Variants in CTNNA2 observed in about 807,000 individuals in gnomAD.
The protein encoded by CTNNA2 is catenin alpha-2.
Under a neutral mutation model 101.0 loss-of-function variants are expected in CTNNA2, and 42 were observed. That is an observed-to-expected ratio of 0.42 (90% confidence interval 0.32 to 0.54). CTNNA2 has a LOEUF of 0.54. Ranked by LOEUF, CTNNA2 falls within the 20% of genes least tolerant of loss-of-function variation. The pLI is 0.14. For synonymous variants in CTNNA2, 450 were observed against 456.4 expected (o/e 0.99, Z 0.18); for missense variants, 871 against 1,223.1 (o/e 0.71, Z 4.29).
At chr2:80,324,437 C>T (rs1003423909) in intron 7 of CTNNA2, among the ~76,000 whole-genome samples, 3 of 152,116 alleles carry the variant, frequency 2.0e-5, no homozygotes, top group Non-Finnish European at 4.4e-5. Flanking sequence ...CTGATCGTCT[C>T]GGGGTTAAGC....
chr2:79,964,263 C>T (rs1015934048), intron 7 of CTNNA2, among the ~76,000 whole-genome samples: 9 of 152,056 alleles, frequency 5.9e-5, no homozygotes, highest in African/African-American at 2.2e-4. Context: ...TCATTTAATC[C>T]ATATAATGCC....
chr2:80,397,115 A>G (rs985170127), intron 8 of CTNNA2, among the ~76,000 whole-genome samples: 2 of 152,230 alleles, frequency 1.3e-5, no homozygotes, highest in African/African-American at 4.8e-5. Context: ...AATAAAAAAC[A>G]ATTACAACTA....
intron 3 of CTNNA2, among the ~76,000 whole-genome samples, chr2:79,800,155 T>G (rs1676043873): frequency 6.6e-6 from 1 of 152,138 alleles, no homozygotes; most frequent in Admixed American, 6.5e-5. Context: ...AGATGCAGAG[T>G]ATGGTGATTC....
At chr2:80,514,779 T>C (rs1301224221) in intron 9 of CTNNA2, among the ~76,000 whole-genome samples, 2 of 152,112 alleles carry the variant, frequency 1.3e-5, no homozygotes, top group Non-Finnish European at 2.9e-5. Context: ...TGACTGAGTC[T>C]GGGATCTTTA....
chr2:80,350,681 T>C (rs150109064), intron 7 of CTNNA2, among the ~76,000 whole-genome samples: 1 of 152,188 alleles, frequency 6.6e-6, no homozygotes, highest in Non-Finnish European at 1.5e-5. Flanking sequence ...TAAATGAATG[T>C]GGTAAAGCAC....
intron 14 of CTNNA2, among the ~76,000 whole-genome samples, chr2:80,582,586 T>C (rs1031014794): frequency 1.3e-5 from 2 of 152,148 alleles, no homozygotes; most frequent in African/African-American, 2.4e-5. Context: ...AGAGTAGGTG[T>C]ACGTAATCAA....
At chr2:79,669,084 C>A (rs1171780861) in intron 2 of CTNNA2, among the ~76,000 whole-genome samples, 2 of 152,060 alleles carry the variant, frequency 1.3e-5, no homozygotes, top group Non-Finnish European at 2.9e-5. Context: ...AATACTGATT[C>A]CAGTTGGAAG....
chr2:79,749,437 A>G (rs933917046), intron 3 of CTNNA2, among the ~76,000 whole-genome samples: 1 of 152,216 alleles, frequency 6.6e-6, no homozygotes, highest in African/African-American at 2.4e-5. Context: ...GAAAGATAGG[A>G]TATCTAGTTT....
chr2:79,962,277 T>C (rs181745634), intron 7 of CTNNA2, among the ~76,000 whole-genome samples: 2 of 152,366 alleles, frequency 1.3e-5, no homozygotes, highest in East Asian at 3.9e-4. Flanking sequence ...TCCTCATAGA[T>C]AGTGCCTTCT....
intron 1 of CTNNA2, among the ~76,000 whole-genome samples, chr2:79,188,430 A>G (rs1185036113): frequency 6.6e-6 from 1 of 152,134 alleles, no homozygotes; most frequent in Non-Finnish European, 1.5e-5. Context: ...CACCTGGGGC[A>G]CTTCATTTTT....
rs1041966497 is a variant in CTNNA2 at position 79,561,080 on chromosome 2, A to G, written c.-6+47873A>G. Among the ~76,000 whole-genome samples the G allele has an allele frequency of 2.0e-5, 3 of 151,932 alleles. No homozygotes were observed. The South Asian group carries it at 6.2e-4, about 31-fold the overall frequency. ...AAAAGAAACCCCATACATAATAGCA[A>G]TCATTCTCCAATTTTCTCATCTCTA... On this transcript the variant is annotated intron_variant, in intron 1 of 18. Transcript: ENST00000402739.
intron 16 of CTNNA2, among the ~76,000 whole-genome samples, chr2:80,605,953 GA>G (rs1437316526): frequency 2.6e-5 from 4 of 151,850 alleles, no homozygotes; most frequent in African/African-American, 9.7e-5. Context: ...AGCATAAACT[GA>G]GGGTTTTTTT....
chr2:79,750,601 G>A (rs969018420), intron 3 of CTNNA2, among the ~76,000 whole-genome samples: 3 of 152,200 alleles, frequency 2.0e-5, no homozygotes, highest in East Asian at 1.9e-4. Flanking sequence ...GGCGACTTGC[G>A]CCTATAATCC....
At chr2:79,324,876 AAC>A (rs1203752600) in intron 3 of CTNNA2, among the ~76,000 whole-genome samples, 1 of 152,190 alleles carries the variant, frequency 6.6e-6, no homozygotes, top group Admixed American at 6.5e-5. Context: ...AACCGTATTT[AAC>A]ACTACCAGAA....
intron 4 of CTNNA2, among the ~76,000 whole-genome samples, chr2:79,440,182 A>T (rs959749123): frequency 6.6e-6 from 1 of 152,178 alleles, no homozygotes; most frequent in Non-Finnish European, 1.5e-5. Context: ...CACACAAATG[A>T]TCTCTTCTTT....
At chr2:80,173,281 A>C (rs561073151) in intron 7 of CTNNA2, among the ~76,000 whole-genome samples, 2 of 152,178 alleles carry the variant, frequency 1.3e-5, no homozygotes, top group African/African-American at 2.4e-5. Flanking sequence ...CACTTATTGG[A>C]TGAGTGAAAA....
chr2:80,537,005 C>T (rs545566568), intron 9 of CTNNA2, among the ~76,000 whole-genome samples: 123 of 152,284 alleles, frequency 8.1e-4, no homozygotes, highest in African/African-American at 2.6e-3. Context: ...TTGCTGCACC[C>T]ATCAACCCAT....
At chr2:79,934,897 G>A (rs903041228) in intron 7 of CTNNA2, among the ~76,000 whole-genome samples, 7 of 152,240 alleles carry the variant, frequency 4.6e-5, no homozygotes, top group African/African-American at 1.7e-4. Context: ...ATAAGTAGAA[G>A]TTTGAATGAG....
intron 1 of CTNNA2, among the ~76,000 whole-genome samples, chr2:79,619,154 C>A (rs1416826460): frequency 1.3e-5 from 2 of 152,198 alleles, no homozygotes; most frequent in Non-Finnish European, 2.9e-5. Context: ...TGCAGTGAGC[C>A]GAGATTGCAC....
Sources: gnomAD v4.1 joint callset for allele counts (sites outside exome capture counted in the v4.1 genomes callset) on GRCh38, gnomAD v4.1.1 for gene constraint, MANE v1.5 for transcripts, NCBI Gene and HGNC (gene_info 2026-07-23, HGNC 2026-07-21) for gene names.